Variants in GRID2 observed in about 807,000 individuals in gnomAD.
GRID2 encodes the protein glutamate receptor ionotropic, delta-2.
In GRID2, 33 loss-of-function variants were observed where a neutral mutation model predicts 114.8. The ratio of observed to expected loss-of-function variants is 0.29; its 90% CI spans 0.22 to 0.38. GRID2 has a LOEUF of 0.38. Among genes scored for constraint, GRID2 ranks in the 10% least tolerant of loss-of-function variants. The pLI is 1.00. For synonymous variants in GRID2, 505 were observed against 449.9 expected (o/e 1.12, Z -1.55); for missense variants, 1,184 against 1,257.7 (o/e 0.94, Z 0.89).
At chr4:92,902,826 C>A (rs1449947430) in intron 2 of GRID2, among the ~76,000 whole-genome samples, 1 of 151,746 alleles carries the variant, frequency 6.6e-6, no homozygotes, top group Non-Finnish European at 1.5e-5. Context: ...TTTCTGGATT[C>A]TCTGTTCTAG....
At chr4:92,601,828 A>G (rs1160408238) in intron 2 of GRID2, among the ~76,000 whole-genome samples, 1 of 152,132 alleles carries the variant, frequency 6.6e-6, no homozygotes, top group Admixed American at 6.6e-5. Flanking sequence ...GATAAAAAAG[A>G]TACTGTCACT....
At chr4:92,939,174 C>T (rs922278443) in intron 2 of GRID2, among the ~76,000 whole-genome samples, 1 of 147,360 alleles carries the variant, frequency 6.8e-6, no homozygotes, top group African/African-American at 2.4e-5. Flanking sequence ...AGTTTACAGT[C>T]CCACCAACAG....
intron 13 of GRID2, among the ~76,000 whole-genome samples, chr4:93,603,103 G>T (rs71599287): frequency 6.6e-6 from 1 of 152,078 alleles, no homozygotes; most frequent in East Asian, 1.9e-4. Flanking sequence ...TCAGCTACTC[G>T]GGAGGCTGAG....
chr4:92,376,547 C>T (rs536396626), intron 1 of GRID2, among the ~76,000 whole-genome samples: 1 of 152,234 alleles, frequency 6.6e-6, no homozygotes, highest in African/African-American at 2.4e-5. Context: ...AAGTGGCCCT[C>T]TTCTCACAGC....
At chr4:92,608,618 G>T (rs1010543296) in intron 2 of GRID2, among the ~76,000 whole-genome samples, 2 of 151,836 alleles carry the variant, frequency 1.3e-5, no homozygotes, top group African/African-American at 2.4e-5. Flanking sequence ...GAGTGTCATG[G>T]TGCTGTGCTC....
chr4:93,539,064 TA>T (rs1436315032), intron 13 of GRID2, among the ~76,000 whole-genome samples: 1 of 151,882 alleles, frequency 6.6e-6, no homozygotes, highest in Non-Finnish European at 1.5e-5. Flanking sequence ...CTTGTGAATC[TA>T]AAGTTATTCC....
At chr4:92,523,625 A>G (rs1006199729) in intron 1 of GRID2, among the ~76,000 whole-genome samples, 1 of 152,062 alleles carries the variant, frequency 6.6e-6, no homozygotes, top group Non-Finnish European at 1.5e-5. Flanking sequence ...ATGATCCACT[A>G]TGTTCTTTGC....
chr4:92,675,426 C>T (rs1733294678), intron 2 of GRID2, among the ~76,000 whole-genome samples: 1 of 151,980 alleles, frequency 6.6e-6, no homozygotes, highest in South Asian at 2.1e-4. Context: ...GACTGGTTCC[C>T]TCCTCTCTAA....
At chr4:93,369,453 C>T (rs1437078456) in intron 8 of GRID2, among the ~76,000 whole-genome samples, 2 of 152,132 alleles carry the variant, frequency 1.3e-5, no homozygotes, top group Non-Finnish European at 2.9e-5. Flanking sequence ...CATGATTTAA[C>T]CTACTACAAA....
intron 2 of GRID2, among the ~76,000 whole-genome samples, chr4:92,818,019 T>C (rs1417699317): frequency 2.0e-5 from 3 of 152,152 alleles, no homozygotes; most frequent in Non-Finnish European, 2.9e-5. Flanking sequence ...CTCAATCATA[T>C]TCATGTGTGT....
intron 2 of GRID2, among the ~76,000 whole-genome samples, chr4:92,738,507 T>C (rs548406119): frequency 2.6e-5 from 4 of 152,320 alleles, no homozygotes; most frequent in African/African-American, 9.6e-5. Flanking sequence ...AAAATGGATG[T>C]AGTCTGAATG....
At chr4:93,263,308 C>G (rs1561060229) in intron 8 of GRID2, among the ~76,000 whole-genome samples, 1 of 151,910 alleles carries the variant, frequency 6.6e-6, no homozygotes, top group Non-Finnish European at 1.5e-5. Context: ...ATGATTTCTT[C>G]TACTGACTTC....
chr4:93,710,515 G>T (rs1369589918), intron 14 of GRID2, among the ~76,000 whole-genome samples: 5 of 152,210 alleles, frequency 3.3e-5, no homozygotes, highest in Non-Finnish European at 1.5e-5. Flanking sequence ...CTGGGACTGT[G>T]CTGAGCCAGA....
rs895609738 is a variant in GRID2 at position 92,376,568 on chromosome 4, G to A, written c.88+71824G>A. Among the ~76,000 whole-genome samples the A allele has an allele frequency of 5.9e-5, 9 of 152,180 alleles. No individual in the cohort carries two copies. In the East Asian group the frequency reaches 7.8e-4, roughly 13 times the overall value. On this transcript the variant is annotated intron_variant, in intron 1 of 15. Coordinates refer to ENST00000282020, the MANE Select transcript of GRID2 (RefSeq NM_001510.4). ...CCCTCTTCTCACAGCTCCACTAGGC[G>A]GTGCCCCATTAGGGACTCTGTGTGG...
intron 2 of GRID2, among the ~76,000 whole-genome samples, chr4:92,629,778 CTTTTTT>C (rs199622998): frequency 7.1e-6 from 1 of 140,032 alleles, no homozygotes; most frequent in African/African-American, 2.6e-5. Context: ...TATGTTTTTT[CTTTTTT>C]TTTTTTCTTG....
In GRID2 at chr4:92,759,144, T is replaced by C. The variant is rs1369805436; in HGVS notation, c.244+168858T>C. Among the ~76,000 whole-genome samples, 3 of 152,208 alleles carry C rather than the reference T, an allele frequency of 2.0e-5. No homozygotes were observed. The East Asian group carries it at 5.8e-4, about 29-fold the overall frequency. On this transcript the variant is annotated intron_variant, in intron 2 of 15. Coordinates refer to ENST00000282020, the MANE Select transcript of GRID2 (RefSeq NM_001510.4). The stretch of plus-strand genomic sequence containing the variant: ...TTTGGGAAAGGTCATTTGGCTATAC[T>C]AGTAGAGAGAAGGTCACATCTCAAA...
chr4:93,796,667 C>T (rs1734809324), intron 1 of GRID2, among the ~76,000 whole-genome samples: 1 of 152,174 alleles, frequency 6.6e-6, no homozygotes, highest in Non-Finnish European at 1.5e-5. Context: ...CCTCAGCCTC[C>T]CAAGTAACTG....
chr4:93,414,165 A>G (rs1436247931), intron 9 of GRID2, among the ~76,000 whole-genome samples: 4 of 152,158 alleles, frequency 2.6e-5, no homozygotes, highest in Admixed American at 2.6e-4. Context: ...AATTACCTAG[A>G]ATCCAATTAT....
intron 2 of GRID2, among the ~76,000 whole-genome samples, chr4:92,740,713 TAG>T (rs1736843330): frequency 1.1e-5 from 1 of 88,360 alleles, no homozygotes; most frequent in African/African-American, 3.7e-5. Flanking sequence ...GATAGATAGA[TAG>T]ATAGATAGAT....
Sources: allele counts gnomAD v4.1 joint callset (sites outside exome capture counted in the v4.1 genomes callset), GRCh38; gene constraint gnomAD v4.1.1; transcripts MANE v1.5; gene names NCBI Gene and HGNC (gene_info 2026-07-23, HGNC 2026-07-21).